Variants in ALG13 observed in about 807,000 individuals in gnomAD.
ALG13 encodes UDP-N-acetylglucosamine transferase subunit ALG13.
A neutral mutation model predicts 87.8 loss-of-function variants in ALG13; 11 were observed. That is an observed-to-expected ratio of 0.13 (90% CI 0.08 to 0.21). The LOEUF is 0.21. Ranked by LOEUF, ALG13 falls within the 10% of genes least tolerant of loss-of-function variation. The probability of loss-of-function intolerance (pLI) is 1.00; values close to 1 mark genes in which losing one functional copy is unlikely to be tolerated. For synonymous variants in ALG13, 320 were observed against 306.3 expected, an observed-to-expected ratio of 1.04 and a Z score of -0.47; for missense variants, 756 against 866.1, an observed-to-expected ratio of 0.87 and a Z score of 1.60.
At chrX:111,730,449 T>G (rs1353255794) in intron 20 of ALG13, 22 bp downstream of exon 20, 1 of 1,201,384 alleles carries the variant, frequency 8.3e-7, no homozygotes, top group Admixed American at 2.2e-5. Context: ...CTAGAAGTGA[T>G]CTGGCATTCA....
At chrX:111,714,310 A>T in intron 8 of ALG13, 1 of 110,710 alleles carries the variant, frequency 9.0e-6, no homozygotes. Context: ...AAGTTTTATA[A>T]TAAAAAAAAT....
Position 111,687,309 on chromosome X carries a change from A to G in ALG13, c.383+2206A>G, listed in dbSNP as rs776437763. On this transcript the variant is annotated intron_variant, in intron 3 of 26. Transcript: ENST00000394780. Reference sequence around the variant, plus strand: ...TTTCCCCAGACCTAGGCTGGGGGGTAGTATGTTTGTTCTAATTTAAGCGAT... The same window carrying G: ...TTTCCCCAGACCTAGGCTGGGGGGTGGTATGTTTGTTCTAATTTAAGCGAT... Among the ~76,000 whole-genome samples, 7 of 112,556 alleles carry G rather than the reference A, an allele frequency of 6.2e-5. No homozygotes were observed. The East Asian group carries it at 1.7e-3, about 27-fold the overall frequency.
rs1942134772 is a variant in ALG13 at position 111,727,015 on chromosome X, C to T, written c.1936C>T (p.His646Tyr). 1 of 1,209,272 alleles carries T rather than the reference C, an allele frequency of 8.3e-7. No individual in the cohort carries two copies. The highest frequency in any genetic ancestry group is 2.2e-5 in the Admixed American group (1 of 45,746). Residue 646 changes from histidine (H) to tyrosine (Y), a missense_variant, in exon 16 of 27, where the codon CAT becomes TAT. By Grantham distance (83) the His-to-Tyr change is moderately conservative. This residue lies in a region of ALG13 where 362 missense variants were observed against 383.5 expected (regional missense o/e 0.94). Transcript: ENST00000394780. ...VMSNEHFHPQ[H>Y]PSPRQGRGYG... The stretch of plus-strand genomic sequence containing the variant: ...GTCTAATGAACATTTTCATCCTCAG[C>T]ATCCATCTCCGAGACAAGGTCGGGG...
rs150404268 is a variant in ALG13, at chrX:111,758,967, G to A, written c.3149-767G>A. Among the ~76,000 whole-genome samples the A allele has an allele frequency of 2.3e-3, 256 of 110,516 alleles. 1 individual carries two copies. The highest frequency in any genetic ancestry group is 4.7e-3 in the Middle Eastern group (1 of 215). On this transcript the variant is annotated intron_variant, in intron 26 of 26. Coordinates refer to ENST00000394780, the MANE Select transcript of ALG13 (RefSeq NM_001099922.3). ...ATGTATAAGTATACTATTACCTGGT[G>A]CATATTAGGAATACTAATTTCTCTC...
At position 111,685,235 on chromosome X, in the gene ALG13, C is replaced by T; in HGVS notation, c.383+132C>T. On this transcript the variant is annotated intron_variant, in intron 3 of 26. Coordinates refer to ENST00000394780, the MANE Select transcript of ALG13 (RefSeq NM_001099922.3). ...CAGTTACCAAACCTTTTGATTTTCTCAGCTGTAAAATCCTCCCATTTGTTT... is the reference window on the plus strand; with the variant it reads ...CAGTTACCAAACCTTTTGATTTTCTTAGCTGTAAAATCCTCCCATTTGTTT... The T allele has an allele frequency of 4.1e-6, 3 of 728,260 alleles. No homozygotes were observed. In the South Asian group the frequency reaches 8.2e-5, roughly 20 times the overall value. 60.0% of individuals were successfully genotyped at this position (728,260 alleles called of 1,213,427 possible).
chrX:111,716,190 CCTT>C (rs972493283), intron 8 of ALG13, among the ~76,000 whole-genome samples: 5 of 110,973 alleles, frequency 4.5e-5, no homozygotes, highest in African/African-American at 6.6e-5. Flanking sequence ...TTTTAAATAT[CCTT>C]CTTAGTAATA....
chrX:111,701,887 GT>G (rs1383206021), intron 3 of ALG13, among the ~76,000 whole-genome samples: 1 of 110,633 alleles, frequency 9.0e-6, no homozygotes, highest in Non-Finnish European at 1.9e-5. Flanking sequence ...TGTCTCAAGG[GT>G]TTTTTTTAAT....
At chrX:111,738,886 G>GA (rs766888684) in intron 23 of ALG13, among the ~76,000 whole-genome samples, 38 of 95,197 alleles carry the variant, frequency 4.0e-4, no homozygotes, top group South Asian at 9.6e-4. Context: ...ATCTAAAATT[G>GA]AAAAAAAAAA....
At chrX:111,694,645 G>A in intron 3 of ALG13, among the ~76,000 whole-genome samples, 1 of 112,159 alleles carries the variant, frequency 8.9e-6, no homozygotes, top group Non-Finnish European at 1.9e-5. Context: ...GCAGGACCCT[G>A]ATAGTCACTG....
chrX:111,750,635 G>A (rs1301932577), intron 24 of ALG13, among the ~76,000 whole-genome samples: 1 of 104,866 alleles, frequency 9.5e-6, no homozygotes, highest in Non-Finnish European at 1.9e-5. Flanking sequence ...GTATTGTATT[G>A]TTTGTTTGTT....
chrX:111,719,101 A>G (rs1941056617), intron 10 of ALG13, among the ~76,000 whole-genome samples: 1 of 99,560 alleles, frequency 1.0e-5, no homozygotes, highest in Non-Finnish European at 2.0e-5. Flanking sequence ...ATCTCAGCTC[A>G]CTGCAACCTC....
intron 18 of ALG13, 62 bp downstream of exon 18, chrX:111,727,832 A>G: frequency 1.9e-6 from 2 of 1,043,951 alleles, no homozygotes; most frequent in Non-Finnish European, 2.6e-6. Context: ...TTTTTGAAGT[A>G]AAGGCAATGT....
At chrX:111,690,226 C>T (rs1185523177) in intron 3 of ALG13, 31 of 751,426 alleles carry the variant, frequency 4.1e-5, no homozygotes, top group Non-Finnish European at 4.9e-5. Context: ...GACAGAGCTG[C>T]AGGTTCTTGA....
intron 21 of ALG13, among the ~76,000 whole-genome samples, 153 bp from the exon 22 acceptor site, chrX:111,734,898 T>C (rs192503673): frequency 8.9e-6 from 1 of 112,467 alleles, no homozygotes; most frequent in Non-Finnish European, 1.9e-5. Flanking sequence ...CATCACATTT[T>C]AGAGTGATAA....
At chrX:111,744,452 A>G (rs945986951) in intron 23 of ALG13, among the ~76,000 whole-genome samples, 9 of 111,247 alleles carry the variant, frequency 8.1e-5, no homozygotes, top group Non-Finnish European at 1.3e-4. Flanking sequence ...TTAATTTCCA[A>G]TACTTTTCTT....
At chrX:111,713,897 C>G (rs1293484385) in intron 8 of ALG13, among the ~76,000 whole-genome samples, 1 of 112,170 alleles carries the variant, frequency 8.9e-6, no homozygotes, top group East Asian at 2.8e-4. Context: ...TGTCAGCATA[C>G]AGCTTCTCCA....
chrX:111,695,875 T>C (rs1002635974), intron 3 of ALG13, among the ~76,000 whole-genome samples: 5 of 111,203 alleles, frequency 4.5e-5, no homozygotes, highest in African/African-American at 1.6e-4. Context: ...CCTGAAAAGT[T>C]GATAGGCTCT....
At position 111,759,958 on chromosome X, in the gene ALG13, C is replaced by T; in HGVS notation, c.3373C>T (p.Pro1125Ser). The T allele has an allele frequency of 8.3e-7, 1 of 1,210,675 alleles. No homozygotes were observed. Among genetic ancestry groups the T allele is most frequent in the Non-Finnish European group, 1.1e-6 (1 of 895,094 alleles). The change falls in exon 27 of 27, where the codon CCA becomes TCA. Residue 1125 changes from proline to serine, a missense_variant. Around this residue, in one of 9 missense-constraint regions of ALG13, gnomAD observed 110 missense variants for 104.9 expected, o/e 1.05. Coordinates refer to ENST00000394780, the MANE Select transcript of ALG13 (RefSeq NM_001099922.3). ...TCCTGGGCCAATTGGCTGTATTGCT[C>T]CATCTCCCCCAGCTTCTCATTATGT... is the stretch of plus-strand genomic sequence containing the variant. ...INPGPIGCIA[P>S]SPPASHYVPQ... is the part of the protein sequence containing the mutation.
intron 24 of ALG13, among the ~76,000 whole-genome samples, chrX:111,751,865 A>G (rs750538124): frequency 9.4e-5 from 9 of 95,394 alleles, no homozygotes; most frequent in African/African-American, 3.5e-4. Context: ...AGGTCAAACA[A>G]TAAAAATACA....
Sources: gnomAD v4.1 joint callset for allele counts (sites outside exome capture counted in the v4.1 genomes callset) on GRCh38, gnomAD v4.1.1 for gene constraint, gnomAD v4.1.1 regional missense constraint, MANE v1.5 for transcripts, NCBI Gene and HGNC (gene_info 2026-07-23, HGNC 2026-07-21) for gene names.